Variants in GANAB observed in about 807,000 individuals in gnomAD.
GANAB encodes neutral alpha-glucosidase AB.
In GANAB, 35 loss-of-function variants were observed where a neutral mutation model predicts 129.9. That is an observed-to-expected ratio of 0.27 (90% CI 0.21 to 0.36). The LOEUF (loss-of-function observed/expected upper bound fraction) is 0.36. Among genes scored for constraint, GANAB ranks in the 10% least tolerant of loss-of-function variants. The probability of loss-of-function intolerance (pLI) is 1.00; values close to 1 mark genes in which losing one functional copy is unlikely to be tolerated. For missense variants in GANAB, 939 were observed against 1,221.0 expected, an observed-to-expected ratio of 0.77 and a Z score of 3.44; for synonymous variants, 482 against 451.8, an observed-to-expected ratio of 1.07 and a Z score of -0.85.
chr11:62,634,443 T>C, intron 5 of GANAB: 2 of 997,000 alleles, frequency 2.0e-6, no homozygotes, highest in Admixed American at 3.5e-5. Flanking sequence ...AACAGAAACA[T>C]AAAAGTGAGT....
chr11:62,630,020 C>T lies in GANAB; in HGVS notation c.1594-63G>A, dbSNP rs1271936031. The T allele has an allele frequency of 9.7e-6, 15 of 1,548,654 alleles. No individual in the cohort carries two copies. The Admixed American group carries it at 2.3e-4, about 24-fold the overall frequency. ...AGGGGAGGAAGAAGACAAACAGTGTCAGAGAAGAGAGCTCCTAGGAATCTA... is the reference window on the plus strand; with the variant it reads ...AGGGGAGGAAGAAGACAAACAGTGTTAGAGAAGAGAGCTCCTAGGAATCTA... On this transcript the variant is annotated intron_variant, in intron 13 of 23. Transcript: ENST00000356638.
Position 62,639,059 on chromosome 11 carries a change from T to A in GANAB, c.304A>T (p.Arg102Trp), listed in dbSNP as rs369327344. Residue 102 changes from arginine to tryptophan, a missense_variant, in exon 4 of 24, where the codon AGG becomes TGG. Transcript: ENST00000356638. ...QGLQKNMTRF[R>W]IDELEPRRPR... ...CGCCGAGGCTCCAGCTCATCAATCCTGAACCGAGTCATGTTCTTTTGAAGC... is the reference window on the plus strand; with the variant it reads ...CGCCGAGGCTCCAGCTCATCAATCCAGAACCGAGTCATGTTCTTTTGAAGC... The A allele has an allele frequency of 6.2e-7, 1 of 1,614,064 alleles. No individual in the cohort carries two copies. Among genetic ancestry groups the A allele is most frequent in the African/African-American group, 1.3e-5 (1 of 75,036 alleles).
chr11:62,644,632 T>G (rs1054880881), intron 1 of GANAB, among the ~76,000 whole-genome samples: 5 of 151,832 alleles, frequency 3.3e-5, no homozygotes, highest in African/African-American at 1.2e-4. Context: ...AAAAGTAAAT[T>G]AATTAAGACT....
At position 62,634,901 on chromosome 11, in the gene GANAB, T is replaced by C. The variant is rs897525512; in HGVS notation, c.480A>G (p.Leu160=). Residue 160 remains leucine (L), a synonymous_variant, in exon 5 of 24, where the codon CTA becomes CTG. Transcript: ENST00000356638. ...TAAGCAAAAGACTTCGGTCCTCTAGTAGGTCAAGGCGGAATGGCCGTGCTG... is the reference window on the plus strand; with the variant it reads ...TAAGCAAAAGACTTCGGTCCTCTAGCAGGTCAAGGCGGAATGGCCGTGCTG... ...ILTARPFRLD[L]LEDRSLLLSV... The C allele has an allele frequency of 6.2e-6, 10 of 1,613,678 alleles. No individual in the cohort carries two copies. The Middle Eastern group carries it at 4.9e-4, about 80-fold the overall frequency.
At chr11:62,637,863 T>G (rs901379530) in intron 4 of GANAB, among the ~76,000 whole-genome samples, 3 of 150,874 alleles carry the variant, frequency 2.0e-5, no homozygotes, top group Admixed American at 1.3e-4. Context: ...ATCACGCCAC[T>G]GTACTCCAGC....
chr11:62,633,748 C>A, intron 5 of GANAB: 2 of 582,752 alleles, frequency 3.4e-6, no homozygotes, highest in Non-Finnish European at 6.1e-6. Flanking sequence ...GAGGCACAGG[C>A]CTGAACACCA....
intron 4 of GANAB, among the ~76,000 whole-genome samples, chr11:62,637,763 G>A (rs1057466163): frequency 1.1e-4 from 16 of 151,848 alleles, no homozygotes; most frequent in African/African-American, 3.4e-4. Context: ...AGCCGGGCGC[G>A]GTGGCTCACA....
At position 62,629,822 on chromosome 11, in the gene GANAB, GGCCATAGATGTTAT is replaced by G; in HGVS notation, c.1715_1728del (p.His572ProfsTer9). ...CTCTCTCAGGCCCTTACCACATAAAGGCCATAGATGTTATGCACATCCCGGTGCTCCCAGCCCCC... is the reference window on the plus strand; with the variant it reads ...CTCTCTCAGGCCCTTACCACATAAAGGCACATCCCGGTGCTCCCAGCCCCC... On this transcript the variant is annotated frameshift_variant, in exon 14 of 24. Transcript: ENST00000356638. LOFTEE classifies it high-confidence loss of function. 1 of 1,614,186 alleles carries G rather than the reference GGCCATAGATGTTAT, an allele frequency of 6.2e-7. No individual in the cohort carries two copies. Among genetic ancestry groups the G allele is most frequent in the Non-Finnish European group, 8.5e-7 (1 of 1,180,030 alleles).
chr11:62,625,957 A>G, intron 23 of GANAB, 33 bp from the exon 24 acceptor site: 1 of 1,492,408 alleles, frequency 6.7e-7, no homozygotes, highest in Non-Finnish European at 9.4e-7. Context: ...CCATAGTCAT[A>G]CCAATGGGCT....
chr11:62,630,921 G>T, intron 10 of GANAB, 85 bp from the exon 11 acceptor site: 3 of 1,481,202 alleles, frequency 2.0e-6, no homozygotes, highest in African/African-American at 1.4e-5. Flanking sequence ...CTAGAGGCAG[G>T]CTGAGGGGTA....
At chr11:62,637,380 G>A (rs901505962) in intron 4 of GANAB, among the ~76,000 whole-genome samples, 14 of 152,118 alleles carry the variant, frequency 9.2e-5, no homozygotes, top group African/African-American at 3.4e-4. Context: ...TCAGGAGATC[G>A]AGACCATCCT....
rs143483203 is a variant in GANAB at position 62,634,984 on chromosome 11, G to A, written c.397C>T (p.Arg133Cys). 5.6e-6 allele frequency: 9 copies of A among 1,611,074 alleles called. No individual in the cohort carries two copies. Among genetic ancestry groups the A allele is most frequent in the African/African-American group, 2.7e-5 (2 of 74,930 alleles). The change falls in exon 5 of 24, where the codon CGT becomes TGT. Residue 133 changes from arginine (R) to cysteine (C), a missense_variant. By Grantham distance (180) the Arg-to-Cys change is radical. This residue lies in a region of GANAB where 321 missense variants were observed against 329.1 expected (regional missense o/e 0.98). Coordinates refer to ENST00000356638, the MANE Select transcript of GANAB (RefSeq NM_198334.3). ...GTTAACTCCACACTGTTCTCATCAC[G>A]ACCAGAGACAGAAAGCCTGGGAAAC... ...PPIARLSVSG[R>C]DENSVELTMA...
intron 10 of GANAB, 54 bp downstream of exon 10, chr11:62,630,976 T>C (rs545732859): frequency 1.5e-4 from 240 of 1,562,172 alleles, no homozygotes; most frequent in Non-Finnish European, 2.0e-4. Flanking sequence ...TGAAAACACA[T>C]AGAATCACCC....
intron 9 of GANAB, among the ~76,000 whole-genome samples, chr11:62,632,065 C>A (rs1400779659): frequency 1.3e-5 from 2 of 152,010 alleles, no homozygotes; most frequent in Non-Finnish European, 2.9e-5. Context: ...CCTCCACCAA[C>A]CAGATTCATG....
In GANAB at chr11:62,630,726, G is replaced by A; in HGVS notation, c.1261C>T (p.Leu421=). 1 of 1,613,846 alleles carries A rather than the reference G, an allele frequency of 6.2e-7. No homozygotes were observed. Among genetic ancestry groups the A allele is most frequent in the South Asian group, 1.1e-5 (1 of 91,074 alleles). ...EVDQGFDDHN[L]PCDVIWLDIE... Reference sequence around the variant, plus strand: ...TCTAGCCAGATGACATCACAGGGCAGGTTGTGATCATCAAAGCCCTGATCC... The same window carrying A: ...TCTAGCCAGATGACATCACAGGGCAAGTTGTGATCATCAAAGCCCTGATCC... Residue 421 remains leucine, a synonymous_variant, in exon 11 of 24, where the codon CTG becomes TTG. Coordinates refer to ENST00000356638, the MANE Select transcript of GANAB (RefSeq NM_198334.3).
chr11:62,628,450 TG>T (rs1943507073), intron 17 of GANAB, among the ~76,000 whole-genome samples: 1 of 151,962 alleles, frequency 6.6e-6, no homozygotes, highest in Admixed American at 6.6e-5. Context: ...TGACCTCAGG[TG>T]ATCTGCCCAC....
At chr11:62,640,001 T>C (rs1303128937) in intron 1 of GANAB, 11 of 376,188 alleles carry the variant, frequency 2.9e-5, no homozygotes, top group Middle Eastern at 7.9e-4. Flanking sequence ...TTTGGGAGGC[T>C]GCGGCGGGCG....
rs376506343 is a variant in GANAB at position 62,634,869 on chromosome 11, T to C, written c.512A>G (p.Asn171Ser). 9 of 1,613,996 alleles carry C rather than the reference T, an allele frequency of 5.6e-6. No individual in the cohort carries two copies. The highest frequency in any genetic ancestry group is 2.2e-5 in the East Asian group (1 of 44,892). Residue 171 changes from asparagine (N) to serine (S), a missense_variant, in exon 5 of 24, where the codon AAT becomes AGT. Transcript: ENST00000356638. ...CTCAAACTCCAAGAGTCCTCGGGCATTGACACTAAGCAAAAGACTTCGGTC... is the reference window on the plus strand; with the variant it reads ...CTCAAACTCCAAGAGTCCTCGGGCACTGACACTAAGCAAAAGACTTCGGTC... ...LEDRSLLLSV[N>S]ARGLLEFEHQ...
intron 1 of GANAB, among the ~76,000 whole-genome samples, chr11:62,644,868 TATA>T (rs1488954443): frequency 6.6e-6 from 1 of 151,942 alleles, no homozygotes; most frequent in Non-Finnish European, 1.5e-5. Context: ...TTTGACAACC[TATA>T]ATAAGGTAAC....
Sources: gnomAD v4.1 joint callset for allele counts (sites outside exome capture counted in the v4.1 genomes callset) on GRCh38, gnomAD v4.1.1 for gene constraint, gnomAD v4.1.1 regional missense constraint, MANE v1.5 for transcripts, NCBI Gene and HGNC (gene_info 2026-07-23, HGNC 2026-07-21) for gene names.